The following CACNA1C variants were observed in gnomAD, a reference collection of about 807,000 sequenced individuals.
CACNA1C encodes calcium voltage-gated channel subunit alpha1 C.
Under a neutral mutation model 229.0 loss-of-function variants are expected in CACNA1C, and 30 were observed. That is an observed-to-expected ratio of 0.13 (90% CI 0.10 to 0.18). CACNA1C has a LOEUF of 0.18. CACNA1C is among the 10% of genes least tolerant of loss of function. CACNA1C has a pLI of 1.00. For synonymous variants in CACNA1C, 1,114 were observed against 1,132.5 expected (o/e 0.98, Z 0.33); for missense variants, 1,658 against 2,845.0 (o/e 0.58, Z 9.49).
At chr12:2,329,603 T>C (rs1052249019) in intron 3 of CACNA1C, among the ~76,000 whole-genome samples, 2 of 152,214 alleles carry the variant, frequency 1.3e-5, no homozygotes, top group African/African-American at 4.8e-5. Context: ...CCCCCAAAAA[T>C]AATAATAATT....
rs952425879 is a variant in CACNA1C at position 2,486,437 on chromosome 12, G to A, written c.916+175G>A. Reference sequence around the variant, plus strand: ...AGAGACCCGTATCCTTTTTTTCTCAGTTCCAATTTTTGTTTTAATCTCTGT... The same window carrying A: ...AGAGACCCGTATCCTTTTTTTCTCAATTCCAATTTTTGTTTTAATCTCTGT... On this transcript the variant is annotated intron_variant, in intron 6 of 46. Coordinates refer to ENST00000399655, the MANE Select transcript of CACNA1C (RefSeq NM_000719.7). This position sits in a 1 kb window ranked among gnomAD's most constrained non-coding sequence, Gnocchi z 4.9. 6.6e-6 allele frequency among the ~76,000 whole-genome samples: 1 copy of A among 152,138 alleles called. No individual in the cohort carries two copies. The highest frequency in any genetic ancestry group is 1.5e-5 in the Non-Finnish European group (1 of 68,016).
intron 11 of CACNA1C, among the ~76,000 whole-genome samples, chr12:2,562,064 A>T (rs1284822132): frequency 6.6e-6 from 1 of 151,944 alleles, no homozygotes; most frequent in Non-Finnish European, 1.5e-5. Context: ...CTGGATAGTA[A>T]TTACCCCACC....
At chr12:2,464,477 C>T (rs560780248) in intron 5 of CACNA1C, among the ~76,000 whole-genome samples, 5 of 152,252 alleles carry the variant, frequency 3.3e-5, no homozygotes, top group African/African-American at 7.2e-5. Context: ...AGAATATCTC[C>T]GAATCAGAGC....
At chr12:2,105,345 A>T (rs2077809198) in intron 1 of CACNA1C, among the ~76,000 whole-genome samples, 1 of 152,120 alleles carries the variant, frequency 6.6e-6, no homozygotes, top group Admixed American at 6.5e-5. Context: ...AGAGCCGCAG[A>T]TCTCCTGGCG....
chr12:2,017,827 G>C (rs547615389), intron 1 of CACNA1C, among the ~76,000 whole-genome samples: 81 of 152,226 alleles, frequency 5.3e-4, no homozygotes, highest in Middle Eastern at 6.8e-3. Context: ...ATTGTAATTA[G>C]GAAGGAGACA....
At chr12:2,254,546 G>A (rs938191420) in intron 3 of CACNA1C, among the ~76,000 whole-genome samples, 1 of 152,184 alleles carries the variant, frequency 6.6e-6, no homozygotes. Flanking sequence ...CGGCAAACTG[G>A]CACAGGGGAT....
At chr12:2,379,737 T>C (rs905287946) in intron 3 of CACNA1C, among the ~76,000 whole-genome samples, 4 of 152,002 alleles carry the variant, frequency 2.6e-5, no homozygotes, top group African/African-American at 9.7e-5. Flanking sequence ...CATAATAATA[T>C]AAATAAAGAC....
At chr12:2,091,798 G>T (rs1024567073) in intron 1 of CACNA1C, among the ~76,000 whole-genome samples, 1 of 152,342 alleles carries the variant, frequency 6.6e-6, no homozygotes, top group South Asian at 2.1e-4. Flanking sequence ...TGTAGGGAGG[G>T]TTCTTATTCT....
In CACNA1C at chr12:2,597,222, T is replaced by G; in HGVS notation, c.2794-8T>G. ...CCCATCCCCACCCTGTTCCTTTTTGTTTTGCAGATTCTGTTTTATTTTGAT... is the reference window on the plus strand; with the variant it reads ...CCCATCCCCACCCTGTTCCTTTTTGGTTTGCAGATTCTGTTTTATTTTGAT... On this transcript the variant is annotated splice_polypyrimidine_tract_variant and splice_region_variant and intron_variant, in intron 20 of 46. Transcript: ENST00000399655. The surrounding 1 kb of genome is among the most constrained non-coding windows in gnomAD (Gnocchi z 4.3). 1.9e-6 allele frequency: 3 copies of G among 1,597,194 alleles called. No individual in the cohort carries two copies. Among genetic ancestry groups the G allele is most frequent in the Non-Finnish European group, 2.6e-6 (3 of 1,164,690 alleles).
intron 13 of CACNA1C, among the ~76,000 whole-genome samples, chr12:2,572,343 T>TCCTTCTCCTCTC (rs1568494845): frequency 7.9e-6 from 1 of 126,592 alleles, no homozygotes; most frequent in African/African-American, 3.0e-5. Flanking sequence ...CTCTTCTTCC[T>TCCTTCTCCTCTC]CCTCCTCCTC....
At chr12:2,373,048 T>C (rs948134673) in intron 3 of CACNA1C, among the ~76,000 whole-genome samples, 1 of 152,204 alleles carries the variant, frequency 6.6e-6, no homozygotes, top group Admixed American at 6.5e-5. Context: ...ACATTCCTGG[T>C]CTGGTCTGTG....
intron 8 of CACNA1C, among the ~76,000 whole-genome samples, chr12:2,511,398 C>T (rs1263032922): frequency 6.6e-6 from 1 of 152,154 alleles, no homozygotes; most frequent in African/African-American, 2.4e-5. Flanking sequence ...AGCCCTTTGC[C>T]CTCTTATGGT....
At chr12:2,179,519 C>G (rs541304683) in intron 3 of CACNA1C, among the ~76,000 whole-genome samples, 1 of 152,216 alleles carries the variant, frequency 6.6e-6, no homozygotes, top group Non-Finnish European at 1.5e-5. Flanking sequence ...ATACGCACCA[C>G]AGAAACTCCG....
chr12:2,229,859 C>T (rs925099849), intron 3 of CACNA1C, among the ~76,000 whole-genome samples: 2 of 152,118 alleles, frequency 1.3e-5, no homozygotes, highest in Non-Finnish European at 1.5e-5. Flanking sequence ...TTGCAGGCCA[C>T]GGTGAGCACG....
chr12:2,315,477 G>A (rs936163165), intron 3 of CACNA1C, among the ~76,000 whole-genome samples: 8 of 152,184 alleles, frequency 5.3e-5, no homozygotes, highest in Admixed American at 2.0e-4. Flanking sequence ...TCTTGATTAG[G>A]AAGCTGTGTT....
In CACNA1C at chr12:2,686,333, C is replaced by T. The variant is rs112940259; in HGVS notation, c.5784+64C>T. Reference sequence around the variant, plus strand: ...GCAGGCCAGACAGTCCCCAGGGTGACGGACAAATCCTGAAGACTTCAGTGG... The same window carrying T: ...GCAGGCCAGACAGTCCCCAGGGTGATGGACAAATCCTGAAGACTTCAGTGG... On this transcript the variant is annotated intron_variant, in intron 45 of 46. Transcript: ENST00000399655. The T allele has an allele frequency of 3.1e-3, 3,853 of 1,257,820 alleles. 84 individuals carry two copies. The African/African-American group carries it at 0.047, about 15-fold the overall frequency. 77.9% of individuals were successfully genotyped at this position (1,257,820 alleles called of 1,614,324 possible).
intron 5 of CACNA1C, among the ~76,000 whole-genome samples, chr12:2,458,343 CA>C (rs1240313143): frequency 6.6e-6 from 1 of 152,156 alleles, no homozygotes; most frequent in African/African-American, 2.4e-5. Flanking sequence ...GTCACATGGA[CA>C]ATGCCTCTTC....
chr12:2,391,416 G>A (rs751554981), intron 3 of CACNA1C, among the ~76,000 whole-genome samples: 10 of 152,170 alleles, frequency 6.6e-5, no homozygotes, highest in Non-Finnish European at 1.3e-4. Flanking sequence ...TGATTTTTGG[G>A]CAACGTCTAA....
At position 2,684,673 on chromosome 12, in the gene CACNA1C, A is replaced by C. The variant is rs1374724983; in HGVS notation, c.5574-1063A>C. On this transcript the variant is annotated intron_variant, in intron 43 of 46. Coordinates refer to ENST00000399655, the MANE Select transcript of CACNA1C (RefSeq NM_000719.7). ...CCCAGGGGTACAGGCGTTCAGAGAA[A>C]GTTGAGGGCAGGGTGACCTGAACTG... Among the ~76,000 whole-genome samples, 3 of 152,186 alleles carry C rather than the reference A, an allele frequency of 2.0e-5. No homozygotes were observed. The South Asian group carries it at 6.2e-4, about 32-fold the overall frequency.
Sources: gnomAD v4.1 joint callset for allele counts (sites outside exome capture counted in the v4.1 genomes callset) on GRCh38, gnomAD v4.1.1 for gene constraint, Gnocchi (gnomAD v3.1) non-coding constraint, MANE v1.5 for transcripts, NCBI Gene and HGNC (gene_info 2026-07-23, HGNC 2026-07-21) for gene names.